The following YY1 variants were observed in gnomAD, a reference collection of about 807,000 sequenced individuals.
The protein encoded by YY1 is YY1 transcription factor.
Under a neutral mutation model 35.6 loss-of-function variants are expected in YY1, and 2 were observed. The ratio of observed to expected loss-of-function variants is 0.06; its 90% CI spans 0.02 to 0.18. The LOEUF is 0.18. YY1 is among the 10% of genes least tolerant of loss of function. The pLI is 1.00. For synonymous variants in YY1, 268 were observed against 238.9 expected, an observed-to-expected ratio of 1.12 and a Z score of -1.12; for missense variants, 322 against 573.4, an observed-to-expected ratio of 0.56 and a Z score of 4.48.
chr14:100,266,716 AC>A (rs1891162034), intron 2 of YY1, among the ~76,000 whole-genome samples: 1 of 152,118 alleles, frequency 6.6e-6, no homozygotes, highest in South Asian at 2.1e-4. Context: ...AGAATGATAG[AC>A]CTGAATGAGA....
Position 100,280,665 on chromosome 14 carries a change from A to G in YY1, c.*3065A>G, listed in dbSNP as rs182800817. ...TTCTAAATGTCACTTATTTTGCTAAATAAGACCCTTTCACAGGATAGTGTG... is the reference window on the plus strand; with the variant it reads ...TTCTAAATGTCACTTATTTTGCTAAGTAAGACCCTTTCACAGGATAGTGTG... On this transcript the variant is annotated 3_prime_UTR_variant, in exon 5 of 5. Coordinates refer to ENST00000262238, the MANE Select transcript of YY1 (RefSeq NM_003403.5). 6.6e-5 allele frequency: 10 copies of G among 152,146 alleles called. No homozygotes were observed. The East Asian group carries it at 1.5e-3, about 24-fold the overall frequency. The allele number at this position is 152,146 out of a possible 1,614,324, so 9.4% of individuals were successfully genotyped here. A position where few individuals can be genotyped will look rare whatever the true frequency, so the allele number is the denominator to read the frequency against.
At chr14:100,269,174 T>C (rs1891197794) in intron 2 of YY1, among the ~76,000 whole-genome samples, 1 of 152,200 alleles carries the variant, frequency 6.6e-6, no homozygotes, top group Non-Finnish European at 1.5e-5. Context: ...TTCTCCAGTT[T>C]CTCAGTCCTT....
chr14:100,268,255 C>T (rs1331615829), intron 2 of YY1, among the ~76,000 whole-genome samples: 1 of 152,194 alleles, frequency 6.6e-6, no homozygotes, highest in Non-Finnish European at 1.5e-5. Context: ...GCTCATGCTG[C>T]ACTCAGCCTA....
intron 2 of YY1, among the ~76,000 whole-genome samples, chr14:100,262,880 C>T (rs1158104678): frequency 6.6e-6 from 1 of 152,158 alleles, no homozygotes; most frequent in Non-Finnish European, 1.5e-5. Context: ...ATATCTTCCA[C>T]ACTGCCTTAT....
At chr14:100,273,692 A>G (rs1891279245) in intron 2 of YY1, among the ~76,000 whole-genome samples, 1 of 152,108 alleles carries the variant, frequency 6.6e-6, no homozygotes, top group African/African-American at 2.4e-5. Flanking sequence ...AATATGAACC[A>G]TCATGGAGGG....
At chr14:100,240,000 C>T in intron 1 of YY1, 77 bp downstream of exon 1, 2 of 1,363,524 alleles carry the variant, frequency 1.5e-6, no homozygotes, top group Non-Finnish European at 1.9e-6. Context: ...GTGTGATGGG[C>T]GCCGCCATCT....
intron 2 of YY1, chr14:100,265,343 A>C (rs1300451268): frequency 1.3e-5 from 2 of 151,742 alleles, no homozygotes; most frequent in East Asian, 3.9e-4. Flanking sequence ...ACGTCATCGC[A>C]CTCCAGCCTG....
At chr14:100,244,525 C>T (rs1308609085) in intron 1 of YY1, among the ~76,000 whole-genome samples, 7 of 151,258 alleles carry the variant, frequency 4.6e-5, no homozygotes, top group Non-Finnish European at 1.0e-4. Flanking sequence ...TCAGGTGATT[C>T]ACCCACCTCG....
chr14:100,259,269 C>G (rs1273086691), intron 1 of YY1, among the ~76,000 whole-genome samples: 3 of 152,122 alleles, frequency 2.0e-5, no homozygotes. Flanking sequence ...ACTGTGGCTC[C>G]CAGCACTTTG....
intron 1 of YY1, among the ~76,000 whole-genome samples, chr14:100,241,660 A>C (rs1890744497): frequency 6.6e-6 from 1 of 152,180 alleles, no homozygotes; most frequent in Non-Finnish European, 1.5e-5. Context: ...GAGATTACAT[A>C]CTGATCATGT....
chr14:100,243,460 G>A lies in YY1; in HGVS notation c.679+3537G>A, dbSNP rs115385246. The stretch of plus-strand genomic sequence containing the variant: ...TAGTTGTACATACAGGGTATTCCCC[G>A]AGGGTCTAGTTACTTCTTAGACCCT... On this transcript the variant is annotated intron_variant, in intron 1 of 4. Transcript: ENST00000262238. 2.9e-3 allele frequency among the ~76,000 whole-genome samples: 448 copies of A among 152,222 alleles called. 4 individuals carry two copies. The highest frequency in any genetic ancestry group is 9.9e-3 in the African/African-American group (413 of 41,544).
intron 1 of YY1, among the ~76,000 whole-genome samples, chr14:100,260,772 T>C (rs1412915095): frequency 5.5e-3 from 28 of 5,134 alleles, no homozygotes; most frequent in African/African-American, 0.022. Flanking sequence ...TGCCTGGTCC[T>C]TTTTTTTTTT....
intron 1 of YY1, among the ~76,000 whole-genome samples, chr14:100,240,364 G>A (rs1421557752): frequency 6.7e-6 from 1 of 148,750 alleles, no homozygotes; most frequent in African/African-American, 2.4e-5. Context: ...GCGGGCCAGG[G>A]ATTGCTGCCT....
At chr14:100,253,320 A>G (rs1890951720) in intron 1 of YY1, among the ~76,000 whole-genome samples, 2 of 152,256 alleles carry the variant, frequency 1.3e-5, no homozygotes, top group South Asian at 4.1e-4. Flanking sequence ...AAAGTGGATC[A>G]GTAAACACTC....
At chr14:100,270,672 G>A (rs1891224680) in intron 2 of YY1, among the ~76,000 whole-genome samples, 1 of 152,052 alleles carries the variant, frequency 6.6e-6, no homozygotes, top group African/African-American at 2.4e-5. Flanking sequence ...ACTAAGCCAT[G>A]TTTACTAAGA....
intron 1 of YY1, among the ~76,000 whole-genome samples, chr14:100,254,839 C>G (rs182176935): frequency 6.8e-6 from 1 of 146,464 alleles, no homozygotes; most frequent in East Asian, 2.0e-4. Context: ...GTGGTGTGAT[C>G]TTGGCTCACT....
At position 100,278,647 on chromosome 14, in the gene YY1, T is replaced by C. The variant is rs1028829030; in HGVS notation, c.*1047T>C. 6.6e-6 allele frequency: 1 copy of C among 152,232 alleles called. No homozygotes were observed. The highest frequency in any genetic ancestry group is 1.5e-5 in the Non-Finnish European group (1 of 68,028). The allele number at this position is 152,232 out of a possible 1,614,324, so 9.4% of individuals were successfully genotyped here. A position where few individuals can be genotyped will look rare whatever the true frequency, so the allele number is the denominator to read the frequency against. Reference sequence around the variant, plus strand: ...AGCGATGCATGGATATTTTAATACTTCCTACATGTCCTGACTTCTGAAAGA... The same window carrying C: ...AGCGATGCATGGATATTTTAATACTCCCTACATGTCCTGACTTCTGAAAGA... On this transcript the variant is annotated 3_prime_UTR_variant, in exon 5 of 5. Transcript: ENST00000262238.
At chr14:100,253,480 T>C (rs1243369758) in intron 1 of YY1, among the ~76,000 whole-genome samples, 1 of 152,190 alleles carries the variant, frequency 6.6e-6, no homozygotes, top group Non-Finnish European at 1.5e-5. Flanking sequence ...TGCAGTGGCG[T>C]GATCTCGGCT....
intron 2 of YY1, among the ~76,000 whole-genome samples, chr14:100,273,274 T>C (rs528286273): frequency 8.8e-4 from 134 of 151,826 alleles, no homozygotes; most frequent in Middle Eastern, 3.5e-3. Context: ...TATGGTTTTT[T>C]AAATTATTAT....
Sources: gnomAD v4.1 joint callset for allele counts (sites outside exome capture counted in the v4.1 genomes callset) on GRCh38, gnomAD v4.1.1 for gene constraint, MANE v1.5 for transcripts, NCBI Gene and HGNC (gene_info 2026-07-23, HGNC 2026-07-21) for gene names.